PRR5L: variants seen among roughly 807,000 people sequenced by gnomAD.
PRR5L encodes proline rich 5 like.
PRR5L carries 21 observed loss-of-function variants against 36.4 expected under a neutral mutation model. The ratio of observed to expected loss-of-function variants is 0.58; its 90% CI spans 0.41 to 0.83. The LOEUF is 0.83. Ranked by LOEUF, PRR5L falls within the 40% of genes least tolerant of loss-of-function variation. PRR5L has a pLI of 0.00. For synonymous variants in PRR5L, 188 were observed against 197.0 expected, an observed-to-expected ratio of 0.95 and a Z score of 0.38; for missense variants, 381 against 473.3, an observed-to-expected ratio of 0.80 and a Z score of 1.81.
Position 36,442,897 on chromosome 11 carries a change from T to G in PRR5L, c.445-3403T>G, listed in dbSNP as rs1858751884. On this transcript the variant is annotated intron_variant, in intron 6 of 8. Coordinates refer to ENST00000530639, the MANE Select transcript of PRR5L (RefSeq NM_001160167.2). Reference sequence around the variant, plus strand: ...AAGGTCCAAACCTTCCCTTGTCTTTTTGTCATCTTTTGAGCCCTGAGCCCT... The same window carrying G: ...AAGGTCCAAACCTTCCCTTGTCTTTGTGTCATCTTTTGAGCCCTGAGCCCT... Among the ~76,000 whole-genome samples the G allele has an allele frequency of 2.0e-5, 3 of 152,292 alleles. No individual in the cohort carries two copies. In the South Asian group the frequency reaches 6.2e-4, roughly 32 times the overall value.
intron 8 of PRR5L, among the ~76,000 whole-genome samples, chr11:36,457,833 A>G (rs931287861): frequency 2.0e-5 from 3 of 152,142 alleles, no homozygotes; most frequent in Admixed American, 1.3e-4. Flanking sequence ...AGGTCCCCAC[A>G]TGGGTTTCCC....
intron 1 of PRR5L, among the ~76,000 whole-genome samples, chr11:36,354,028 C>T (rs1397949510): frequency 6.6e-6 from 1 of 152,088 alleles, no homozygotes; most frequent in Admixed American, 6.6e-5. Flanking sequence ...GAGAGTACAC[C>T]GTGACAGAAG....
rs117356340 is a variant in PRR5L at position 36,460,915 on chromosome 11, G to C, written c.713-1427G>C. The stretch of plus-strand genomic sequence containing the variant: ...GGCTGCTGCCATTGCTCAGAACTCT[G>C]TCACCCCTTTACCGCTTCTGGGAGT... On this transcript the variant is annotated intron_variant, in intron 8 of 8. Transcript: ENST00000530639. Among the ~76,000 whole-genome samples the C allele has an allele frequency of 3.0e-4, 45 of 152,344 alleles. No individual in the cohort carries two copies. The East Asian group carries it at 7.7e-3, about 26-fold the overall frequency.
chr11:36,362,426 C>T (rs943560704), intron 1 of PRR5L, among the ~76,000 whole-genome samples: 2 of 20,630 alleles, frequency 9.7e-5, no homozygotes, highest in African/African-American at 1.8e-4. Context: ...TCACCCTTGG[C>T]GGGGTGGGGG....
chr11:36,324,378 A>G (rs1335566762), intron 1 of PRR5L, among the ~76,000 whole-genome samples: 1 of 152,212 alleles, frequency 6.6e-6, no homozygotes, highest in African/African-American at 2.4e-5. Context: ...ATAGTGGTTA[A>G]TTCTAAGTGA....
intron 1 of PRR5L, among the ~76,000 whole-genome samples, chr11:36,352,909 CAT>C (rs995637756): frequency 5.3e-5 from 8 of 152,320 alleles, no homozygotes; most frequent in African/African-American, 1.9e-4. Flanking sequence ...CTGTGGGTCA[CAT>C]AGATTTCTGC....
Position 36,462,813 on chromosome 11 carries a change from G to C in PRR5L, c.*77G>C, listed in dbSNP as rs972449679. ...CCCTCCATCTCCGTGGATTACTGAG[G>C]GGGGCTCTTGCTTTATGCGATGCTG... On this transcript the variant is annotated 3_prime_UTR_variant, in exon 9 of 9. Transcript: ENST00000530639. 78 of 1,361,136 alleles carry C rather than the reference G, an allele frequency of 5.7e-5. No individual in the cohort carries two copies. Among genetic ancestry groups the C allele is most frequent in the Non-Finnish European group, 7.2e-5 (73 of 1,010,902 alleles). The allele number at this position is 1,361,136 out of a possible 1,614,324, so 84.3% of individuals were successfully genotyped here. A position where few individuals can be genotyped will look rare whatever the true frequency, so the allele number is the denominator to read the frequency against.
At chr11:36,317,901 A>G (rs1856574106) in intron 1 of PRR5L, among the ~76,000 whole-genome samples, 1 of 152,202 alleles carries the variant, frequency 6.6e-6, no homozygotes, top group South Asian at 2.1e-4. Context: ...CATAGTCTAG[A>G]TATGAGAATT....
intron 1 of PRR5L, among the ~76,000 whole-genome samples, chr11:36,357,837 C>A (rs908416490): frequency 6.6e-6 from 1 of 152,134 alleles, no homozygotes; most frequent in African/African-American, 2.4e-5. Context: ...GTTCTGCAGC[C>A]CAGGGATCAA....
At chr11:36,319,907 G>A (rs1590437717) in intron 1 of PRR5L, among the ~76,000 whole-genome samples, 1 of 152,130 alleles carries the variant, frequency 6.6e-6, no homozygotes, top group Admixed American at 6.6e-5. Context: ...GTCCAGGGGA[G>A]GGGGATTTAC....
chr11:36,402,113 A>G (rs1264900609), intron 2 of PRR5L, among the ~76,000 whole-genome samples: 1 of 152,236 alleles, frequency 6.6e-6, no homozygotes, highest in Non-Finnish European at 1.5e-5. Flanking sequence ...AGCAGACTGA[A>G]TCAGCACTAT....
chr11:36,348,573 C>T (rs1295403410), intron 1 of PRR5L, among the ~76,000 whole-genome samples: 2 of 152,180 alleles, frequency 1.3e-5, no homozygotes, highest in Non-Finnish European at 2.9e-5. Flanking sequence ...TATTGATTTG[C>T]ATCATAAATT....
intron 8 of PRR5L, among the ~76,000 whole-genome samples, chr11:36,461,965 G>C (rs934491514): frequency 1.3e-5 from 2 of 152,104 alleles, no homozygotes; most frequent in African/African-American, 4.8e-5. Context: ...AGGAAGCCAG[G>C]GTGCTTCTTT....
intron 1 of PRR5L, among the ~76,000 whole-genome samples, chr11:36,363,202 T>C (rs926242314): frequency 6.6e-6 from 1 of 150,970 alleles, no homozygotes; most frequent in Non-Finnish European, 1.5e-5. Context: ...CACACACCAT[T>C]CTTTGCATCA....
At chr11:36,391,656 T>A (rs1213520280) in intron 1 of PRR5L, among the ~76,000 whole-genome samples, 1 of 152,232 alleles carries the variant, frequency 6.6e-6, no homozygotes, top group Non-Finnish European at 1.5e-5. Flanking sequence ...TTCTCTAACT[T>A]GGAGACATTG....
At chr11:36,391,331 C>T (rs1370996464) in intron 1 of PRR5L, among the ~76,000 whole-genome samples, 1 of 152,232 alleles carries the variant, frequency 6.6e-6, no homozygotes, top group African/African-American at 2.4e-5. Flanking sequence ...CCCCAGCAGG[C>T]AGGGCTGTGC....
chr11:36,310,924 G>A (rs1191849574), intron 1 of PRR5L, among the ~76,000 whole-genome samples: 1 of 147,362 alleles, frequency 6.8e-6, no homozygotes, highest in Non-Finnish European at 1.5e-5. Context: ...TTGAACCAGG[G>A]AGTCAGAGGT....
At chr11:36,437,081 G>C (rs1858620223) in intron 5 of PRR5L, among the ~76,000 whole-genome samples, 2 of 152,274 alleles carry the variant, frequency 1.3e-5, no homozygotes, top group South Asian at 4.1e-4. Context: ...CCCATTCAGA[G>C]TCTTACTAGT....
intron 3 of PRR5L, among the ~76,000 whole-genome samples, chr11:36,405,361 C>T (rs1305000729): frequency 6.6e-6 from 1 of 152,154 alleles, no homozygotes; most frequent in East Asian, 1.9e-4. Context: ...GTAAATAATC[C>T]AAATTTCCCC....
Sources: gnomAD v4.1 joint callset for allele counts (sites outside exome capture counted in the v4.1 genomes callset) on GRCh38, gnomAD v4.1.1 for gene constraint, MANE v1.5 for transcripts, NCBI Gene and HGNC (gene_info 2026-07-23, HGNC 2026-07-21) for gene names.